Variants in SLC44A3 observed in about 807,000 individuals in gnomAD.
The protein encoded by SLC44A3 is solute carrier family 44 member 3.
In SLC44A3, 74 loss-of-function variants were observed where a neutral mutation model predicts 75.4. That is an observed-to-expected ratio of 0.98 (90% CI 0.81 to 1.19). The LOEUF (loss-of-function observed/expected upper bound fraction) is 1.19, where lower values mean the gene tolerates loss of function less well. SLC44A3 is among the 50% of genes most tolerant of loss of function. The pLI is 0.00. For synonymous variants in SLC44A3, 310 were observed against 296.9 expected, an observed-to-expected ratio of 1.04 and a Z score of -0.45; for missense variants, 700 against 778.6, an observed-to-expected ratio of 0.90 and a Z score of 1.20.
chr1:94,882,351 C>G (rs1376298164), intron 12 of SLC44A3, among the ~76,000 whole-genome samples: 3 of 152,114 alleles, frequency 2.0e-5, no homozygotes, highest in African/African-American at 4.8e-5. Flanking sequence ...CAGGGAGTGG[C>G]GCTCACTAAT....
rs1163776968 is a variant in SLC44A3, at chr1:94,894,897, C to T, written c.1937C>T (p.Thr646Ile). Residue 646 changes from threonine to isoleucine, a missense_variant, in exon 15 of 15, where the codon ACA becomes ATA. Transcript: ENST00000271227. ...DKHSLRNEEG[T>I]ELQAIVR ...CACTCATTAAGGAATGAGGAGGGAA[C>T]AGAACTCCAGGCCATTGTGAGATAG... 6.2e-7 allele frequency: 1 copy of T among 1,611,570 alleles called. No individual in the cohort carries two copies. Among genetic ancestry groups the T allele is most frequent in the South Asian group, 1.1e-5 (1 of 90,706 alleles).
intron 12 of SLC44A3, among the ~76,000 whole-genome samples, chr1:94,890,257 C>CTTAAACATACCTCTCTAAATACTTTTTT (rs1670061499): frequency 6.6e-6 from 1 of 152,082 alleles, no homozygotes; most frequent in Admixed American, 6.6e-5. Context: ...TTCTTAGTAC[C>CTTAAACATACCTCTCTAAATACTTTTTT]TTAAACATAC....
At chr1:94,878,006 G>A (rs961270598) in intron 12 of SLC44A3, among the ~76,000 whole-genome samples, 1 of 152,110 alleles carries the variant, frequency 6.6e-6, no homozygotes, top group South Asian at 2.1e-4. Context: ...AGGCCAAGGC[G>A]GGTGGATCAC....
intron 11 of SLC44A3, 73 bp from the exon 12 acceptor site, chr1:94,867,258 C>T (rs74104711): frequency 0.21 from 277,530 of 1,352,280 alleles, 29,302 homozygotes; most frequent in African/African-American, 0.28. Context: ...ACTGTGTTTC[C>T]TCAGAAACTG....
chr1:94,840,980 G>A (rs1663548255), intron 7 of SLC44A3, among the ~76,000 whole-genome samples: 1 of 152,210 alleles, frequency 6.6e-6, no homozygotes, highest in Admixed American at 6.5e-5. Context: ...CTTAATGACA[G>A]GAAGGGATGT....
intron 3 of SLC44A3, 127 bp downstream of exon 3, chr1:94,824,762 G>A: frequency 8.6e-7 from 1 of 1,156,732 alleles, no homozygotes; most frequent in Non-Finnish European, 1.2e-6. Context: ...AAAAAGGAAG[G>A]CTGTGTATAT....
At chr1:94,848,014 G>A (rs1243100189) in intron 9 of SLC44A3, among the ~76,000 whole-genome samples, 1 of 152,184 alleles carries the variant, frequency 6.6e-6, no homozygotes, top group Non-Finnish European at 1.5e-5. Context: ...GGATCATGAG[G>A]TCATGAGATC....
intron 7 of SLC44A3, 50 bp from the exon 8 acceptor site, chr1:94,841,950 G>C (rs775070663): frequency 6.4e-7 from 1 of 1,557,830 alleles, no homozygotes; most frequent in Admixed American, 2.0e-5. Context: ...GCTGGGGAAA[G>C]GTTACCTCAT....
intron 12 of SLC44A3, among the ~76,000 whole-genome samples, chr1:94,870,580 G>A (rs749928266): frequency 6.6e-6 from 1 of 152,214 alleles, no homozygotes; most frequent in Non-Finnish European, 1.5e-5. Context: ...AGCTACTAAC[G>A]ACAGCAATAA....
chr1:94,848,696 A>G (rs1664783060), intron 9 of SLC44A3, among the ~76,000 whole-genome samples: 2 of 152,140 alleles, frequency 1.3e-5, no homozygotes, highest in African/African-American at 2.4e-5. Flanking sequence ...GGTAGGGAAC[A>G]GGATTGAGGT....
chr1:94,864,897 C>G lies in SLC44A3; in HGVS notation c.1393C>G (p.Gln465Glu), dbSNP rs900082366. ...GTACATGCAAAACGCACTGAAAGAA[C>G]AGGTAAGGCTACCTCCTGATACACA... ...VMYMQNALKEQQHGALSRYLF... is the reference protein window; with the variant it reads ...VMYMQNALKEEQHGALSRYLF... The change falls in exon 11 of 15, where the codon CAG becomes GAG. Residue 465 changes from glutamine to glutamate, a missense_variant and splice_region_variant. Coordinates refer to ENST00000271227, the MANE Select transcript of SLC44A3 (RefSeq NM_001114106.3). 1 of 1,613,336 alleles carries G rather than the reference C, an allele frequency of 6.2e-7. No individual in the cohort carries two copies.
intron 9 of SLC44A3, among the ~76,000 whole-genome samples, chr1:94,851,327 G>T (rs894096495): frequency 6.6e-6 from 1 of 152,118 alleles, no homozygotes; most frequent in Non-Finnish European, 1.5e-5. Flanking sequence ...CACACTACAT[G>T]CCCTGGGTAC....
chr1:94,892,037 C>T (rs1670276750), intron 13 of SLC44A3, among the ~76,000 whole-genome samples: 1 of 152,170 alleles, frequency 6.6e-6, no homozygotes, highest in South Asian at 2.1e-4. Context: ...TATATAAATA[C>T]AAAAGCTAGG....
intron 2 of SLC44A3, among the ~76,000 whole-genome samples, chr1:94,823,424 GT>G (rs1660886410): frequency 6.6e-6 from 1 of 152,190 alleles, no homozygotes; most frequent in Non-Finnish European, 1.5e-5. Flanking sequence ...ATCTTGGAGA[GT>G]GGGAAAGGAC....
Position 94,890,534 on chromosome 1 carries a change from G to A in SLC44A3, c.1483-596G>A, listed in dbSNP as rs191118240. 1.1e-4 allele frequency among the ~76,000 whole-genome samples: 16 copies of A among 152,296 alleles called. 1 individual carries two copies. The highest frequency in any genetic ancestry group is 7.8e-4 in the Admixed American group (12 of 15,296). ...GGCTGACTGAGGCTGAATTGAGTATGAATCCTGAATTTGTTGAAGGAGCTC... is the reference window on the plus strand; with the variant it reads ...GGCTGACTGAGGCTGAATTGAGTATAAATCCTGAATTTGTTGAAGGAGCTC... On this transcript the variant is annotated intron_variant, in intron 12 of 14. Transcript: ENST00000271227.
At chr1:94,847,012 A>G (rs977355296) in intron 9 of SLC44A3, among the ~76,000 whole-genome samples, 8 of 152,342 alleles carry the variant, frequency 5.3e-5, no homozygotes, top group Admixed American at 1.3e-4. Context: ...AGAGGTGCAT[A>G]GGGGCAGTCT....
chr1:94,867,478 T>G, intron 12 of SLC44A3, 61 bp downstream of exon 12: 1 of 1,422,266 alleles, frequency 7.0e-7, no homozygotes, highest in Non-Finnish European at 9.6e-7. Context: ...GCTTCATCTC[T>G]TAGGTCAAGG....
chr1:94,829,983 T>A (rs1661904837), intron 5 of SLC44A3, among the ~76,000 whole-genome samples: 1 of 152,226 alleles, frequency 6.6e-6, no homozygotes, highest in African/African-American at 2.4e-5. Context: ...TCTGTTGCCT[T>A]TTTAAAAATA....
chr1:94,856,789 G>C (rs1665928424), intron 9 of SLC44A3, among the ~76,000 whole-genome samples: 1 of 152,022 alleles, frequency 6.6e-6, no homozygotes, highest in Admixed American at 6.5e-5. Flanking sequence ...GGAGTGCAGT[G>C]GCGTGATCTC....
Sources: gnomAD v4.1 joint callset for allele counts (sites outside exome capture counted in the v4.1 genomes callset) on GRCh38, gnomAD v4.1.1 for gene constraint, MANE v1.5 for transcripts, NCBI Gene and HGNC (gene_info 2026-07-23, HGNC 2026-07-21) for gene names.